XKR4: variants seen among roughly 807,000 people sequenced by gnomAD.
XKR4 encodes XK related 4.
Under a neutral mutation model 53.9 loss-of-function variants are expected in XKR4, and 12 were observed. The observed-to-expected ratio is 0.22, with a 90% CI of 0.14 to 0.36. The LOEUF is 0.36. Among genes scored for constraint, XKR4 ranks in the 10% least tolerant of loss-of-function variants. XKR4 has a pLI of 1.00. For synonymous variants in XKR4, 354 were observed against 362.4 expected, an observed-to-expected ratio of 0.98 and a Z score of 0.26; for missense variants, 799 against 859.5, an observed-to-expected ratio of 0.93 and a Z score of 0.88.
At chr8:55,450,640 G>A in intron 2 of XKR4, 1 of 630,466 alleles carries the variant, frequency 1.6e-6, no homozygotes, top group Non-Finnish European at 3.0e-6. Flanking sequence ...GGCAGTCCAA[G>A]AACTACAGGA....
chr8:55,392,301 G>T (rs1804454819), intron 2 of XKR4, among the ~76,000 whole-genome samples: 1 of 152,120 alleles, frequency 6.6e-6, no homozygotes, highest in Admixed American at 6.6e-5. Context: ...AAATACACAG[G>T]CTGAGACTGG....
Position 55,510,607 on chromosome 8 carries a change from C to A in XKR4, c.1007-12674C>A, listed in dbSNP as rs577377943. 9.2e-5 allele frequency among the ~76,000 whole-genome samples: 14 copies of A among 152,134 alleles called. No individual in the cohort carries two copies. The East Asian group carries it at 2.5e-3, about 27-fold the overall frequency. On this transcript the variant is annotated intron_variant, in intron 2 of 2. Coordinates refer to ENST00000327381, the MANE Select transcript of XKR4 (RefSeq NM_052898.2). ...AAAGCCCTGCAGGGCCCCAGTGTGA[C>A]CCCCTCCCACCCCACATCTGATCCT...
intron 2 of XKR4, among the ~76,000 whole-genome samples, chr8:55,409,367 T>C (rs1432948111): frequency 1.3e-5 from 2 of 152,208 alleles, no homozygotes; most frequent in Non-Finnish European, 2.9e-5. Context: ...TGTGGGCTTT[T>C]ATAAGGACAT....
At chr8:55,483,815 A>C (rs1396832094) in intron 2 of XKR4, among the ~76,000 whole-genome samples, 3 of 152,118 alleles carry the variant, frequency 2.0e-5, no homozygotes, top group African/African-American at 7.2e-5. Flanking sequence ...AACAGGAGGG[A>C]GGAAAATAAT....
intron 1 of XKR4, among the ~76,000 whole-genome samples, chr8:55,104,843 G>C (rs773932232): frequency 1.6e-4 from 25 of 152,258 alleles, no homozygotes; most frequent in Non-Finnish European, 3.2e-4. Flanking sequence ...AAGACTTATA[G>C]CTTGATGCTC....
intron 1 of XKR4, among the ~76,000 whole-genome samples, chr8:55,137,139 A>G (rs1281634212): frequency 1.3e-5 from 2 of 152,136 alleles, no homozygotes; most frequent in African/African-American, 4.8e-5. Context: ...TCCCAGGTCA[A>G]CTCCTGGGAA....
chr8:55,112,199 G>C (rs1478989573), intron 1 of XKR4, among the ~76,000 whole-genome samples: 1 of 152,178 alleles, frequency 6.6e-6, no homozygotes, highest in Non-Finnish European at 1.5e-5. Flanking sequence ...TCATAAGTAG[G>C]CTGTTTGAAT....
intron 1 of XKR4, among the ~76,000 whole-genome samples, chr8:55,191,750 A>AT (rs1817447681): frequency 6.7e-6 from 1 of 148,670 alleles, no homozygotes; most frequent in Non-Finnish European, 1.5e-5. Flanking sequence ...TAGTCTGAAG[A>AT]TTTTTTCCTT....
chr8:55,326,468 CTTTTTTTTT>C lies in XKR4; in HGVS notation c.807-31199_807-31191del, dbSNP rs10666278. On this transcript the variant is annotated intron_variant, in intron 1 of 2. Coordinates refer to ENST00000327381, the MANE Select transcript of XKR4 (RefSeq NM_052898.2). ...TATTCCCCTCAACTGATTTTTTTTC[CTTTTTTTTT>C]TTTTTTTTTTGGAAACAGAGTTTTG... is the stretch of plus-strand genomic sequence containing the variant. Among the ~76,000 whole-genome samples the C allele has an allele frequency of 3.6e-5, 4 of 111,782 alleles. No individual in the cohort carries two copies. The South Asian group carries it at 8.9e-4, about 25-fold the overall frequency. 73.3% of individuals were successfully genotyped at this position (111,782 alleles called of 152,430 possible).
intron 1 of XKR4, among the ~76,000 whole-genome samples, chr8:55,335,397 A>G (rs1172691887): frequency 6.6e-6 from 1 of 152,236 alleles, no homozygotes; most frequent in Non-Finnish European, 1.5e-5. Context: ...GGCAATATCT[A>G]TAGATCTTAA....
chr8:55,403,293 G>T (rs1804635253), intron 2 of XKR4, among the ~76,000 whole-genome samples: 1 of 152,094 alleles, frequency 6.6e-6, no homozygotes, highest in African/African-American at 2.4e-5. Flanking sequence ...GGTCAAAAAG[G>T]ATCTCTTACC....
intron 2 of XKR4, among the ~76,000 whole-genome samples, chr8:55,474,093 T>C (rs980864937): frequency 2.0e-5 from 3 of 152,082 alleles, no homozygotes; most frequent in African/African-American, 7.3e-5. Flanking sequence ...TTTATTTTTA[T>C]AGAGACGTGG....
At chr8:55,204,431 T>G (rs1407267325) in intron 1 of XKR4, among the ~76,000 whole-genome samples, 1 of 152,202 alleles carries the variant, frequency 6.6e-6, no homozygotes, top group Non-Finnish European at 1.5e-5. Flanking sequence ...TTCACACATC[T>G]ATATGTAATT....
rs372879133 is a variant in XKR4 at position 55,316,584 on chromosome 8, A to G, written c.807-41094A>G. Among the ~76,000 whole-genome samples the G allele has an allele frequency of 9.8e-5, 15 of 152,352 alleles. No homozygotes were observed. The South Asian group carries it at 1.9e-3, about 19-fold the overall frequency. On this transcript the variant is annotated intron_variant, in intron 1 of 2. Coordinates refer to ENST00000327381, the MANE Select transcript of XKR4 (RefSeq NM_052898.2). ...AGAAAGATGGTTTACAGAACACAGT[A>G]GTGTTCTGAGACTATGTGATTGAGC...
chr8:55,453,020 C>T (rs1585581458), intron 2 of XKR4: 2 of 636,210 alleles, frequency 3.1e-6, no homozygotes, highest in South Asian at 1.4e-5. Flanking sequence ...GGGCAGAGTG[C>T]TCTCTCATCC....
At chr8:55,509,056 G>A (rs1001016990) in intron 2 of XKR4, among the ~76,000 whole-genome samples, 5 of 152,248 alleles carry the variant, frequency 3.3e-5, no homozygotes, top group African/African-American at 1.2e-4. Context: ...TCACAAATAC[G>A]AATCAAATAA....
chr8:55,176,633 A>C (rs1817239314), intron 1 of XKR4, among the ~76,000 whole-genome samples: 1 of 152,176 alleles, frequency 6.6e-6, no homozygotes. Flanking sequence ...CAGTTTCTCA[A>C]ATGTGGACAG....
intron 1 of XKR4, among the ~76,000 whole-genome samples, chr8:55,116,501 G>T (rs188928333): frequency 2.0e-5 from 3 of 152,152 alleles, no homozygotes; most frequent in East Asian, 3.8e-4. Flanking sequence ...GTCTTCCTAC[G>T]TGAGAAATGT....
intron 1 of XKR4, among the ~76,000 whole-genome samples, chr8:55,308,558 C>T (rs1179838340): frequency 6.6e-6 from 1 of 152,352 alleles, no homozygotes; most frequent in Middle Eastern, 3.4e-3. Flanking sequence ...TCCCTTGACA[C>T]GTGGATATTA....
Sources: gnomAD v4.1 joint callset for allele counts (sites outside exome capture counted in the v4.1 genomes callset) on GRCh38, gnomAD v4.1.1 for gene constraint, MANE v1.5 for transcripts, NCBI Gene and HGNC (gene_info 2026-07-23, HGNC 2026-07-21) for gene names.